Variants in ATAD1 observed in about 807,000 individuals in gnomAD.
ATAD1 encodes the protein ATPase family AAA domain containing 1.
ATAD1 carries 18 observed loss-of-function variants against 42.7 expected under a neutral mutation model. The observed-to-expected ratio is 0.42, with a 90% confidence interval of 0.29 to 0.63. ATAD1 has a LOEUF of 0.63. Among genes scored for constraint, ATAD1 ranks in the 20% least tolerant of loss-of-function variants. The probability of loss-of-function intolerance (pLI) is 0.19; values close to 1 mark genes in which losing one functional copy is unlikely to be tolerated. For missense variants in ATAD1, 294 were observed against 440.4 expected (o/e 0.67, Z 2.98); for synonymous variants, 132 against 143.1 (o/e 0.92, Z 0.55).
rs901028901 is a variant in ATAD1 at position 87,770,560 on chromosome 10, G to A, written c.780+392C>T. ...CCAATACTCAATCAAATAAATCCCT[G>A]TTGTTGTTCATGGCAGGCCTTCTGA... On this transcript the variant is annotated intron_variant, in intron 7 of 9. Transcript: ENST00000680024. Among the ~76,000 whole-genome samples, 4 of 152,152 alleles carry A rather than the reference G, an allele frequency of 2.6e-5. No homozygotes were observed. In the South Asian group the frequency reaches 6.2e-4, roughly 24 times the overall value.
intron 4 of ATAD1, among the ~76,000 whole-genome samples, chr10:87,785,729 TA>T (rs140795862): frequency 1.8e-3 from 266 of 145,224 alleles, no homozygotes; most frequent in African/African-American, 5.0e-3. Flanking sequence ...TATCTCAATT[TA>T]AAAAAAAAAA....
chr10:87,818,167 C>T lies in ATAD1; in HGVS notation c.-14G>A. ...GGCCCCACGGGAACCAGCTACTCAC[C>T]CAGGGGCAGAAACAGCAAGAGCAAG... On this transcript the variant is annotated splice_region_variant and 5_prime_UTR_variant, in exon 1 of 10. Transcript: ENST00000680024. 1.0e-6 allele frequency: 1 copy of T among 985,668 alleles called. No homozygotes were observed. The allele number at this position is 985,668 out of a possible 1,614,324, so 61.1% of individuals were successfully genotyped here. A position where few individuals can be genotyped will look rare whatever the true frequency, so the allele number is the denominator to read the frequency against.
chr10:87,773,659 G>T (rs1320869204), intron 6 of ATAD1, among the ~76,000 whole-genome samples: 1 of 152,138 alleles, frequency 6.6e-6, no homozygotes, highest in African/African-American at 2.4e-5. Flanking sequence ...AGTGCAATAA[G>T]GAATTTTGGT....
At chr10:87,786,950 G>A (rs1399010637) in intron 4 of ATAD1, among the ~76,000 whole-genome samples, 17 of 150,688 alleles carry the variant, frequency 1.1e-4, no homozygotes, top group South Asian at 4.2e-4. Flanking sequence ...GCGAGACTCC[G>A]TCTCAAAAAA....
At chr10:87,779,604 T>TA (rs1454099332) in intron 5 of ATAD1, among the ~76,000 whole-genome samples, 1 of 151,950 alleles carries the variant, frequency 6.6e-6, no homozygotes, top group African/African-American at 2.4e-5. Context: ...TATGTATCAA[T>TA]AAAAAATTAA....
upstream of ATAD1, chr10:87,819,050 T>C (rs1857563908): frequency 6.6e-6 from 1 of 151,892 alleles, no homozygotes; most frequent in African/African-American, 2.4e-5. Flanking sequence ...GGTGAGACTA[T>C]GATGTAATGA....
intron 8 of ATAD1, chr10:87,759,665 A>C: frequency 9.9e-6 from 4 of 405,794 alleles, no homozygotes; most frequent in South Asian, 7.2e-5. Flanking sequence ...GATTCCAGTC[A>C]CTGGGGGAGC....
intron 1 of ATAD1, among the ~76,000 whole-genome samples, chr10:87,825,642 A>G (rs1432161291): frequency 1.3e-5 from 2 of 151,510 alleles, no homozygotes; most frequent in East Asian, 3.9e-4. Flanking sequence ...CCTCAGGGAC[A>G]ACCACAGCGT....
chr10:87,789,593 A>G (rs1357922705), intron 4 of ATAD1, among the ~76,000 whole-genome samples: 1 of 152,084 alleles, frequency 6.6e-6, no homozygotes, highest in African/African-American at 2.4e-5. Context: ...GTGGTGGCAC[A>G]TGCCTGTGGT....
At chr10:87,781,309 C>T (rs761155632) in intron 5 of ATAD1, among the ~76,000 whole-genome samples, 11 of 151,928 alleles carry the variant, frequency 7.2e-5, no homozygotes, top group Non-Finnish European at 1.6e-4. Context: ...TAACAAGCTA[C>T]AGTAAAAAAA....
upstream of ATAD1, among the ~76,000 whole-genome samples, chr10:87,822,597 G>T (rs1245256627): frequency 6.6e-6 from 1 of 152,156 alleles, no homozygotes; most frequent in Non-Finnish European, 1.5e-5. Context: ...TTGAACTCAT[G>T]GAGATAGAGG....
chr10:87,807,117 T>C (rs1370074171), intron 2 of ATAD1, among the ~76,000 whole-genome samples: 1 of 152,218 alleles, frequency 6.6e-6, no homozygotes, highest in African/African-American at 2.4e-5. Context: ...TTTGTTTTTC[T>C]CTTGTTTATC....
Position 87,773,442 on chromosome 10 carries a change from T to C in ATAD1, c.691-2401A>G, listed in dbSNP as rs144265987. Among the ~76,000 whole-genome samples, 99 of 152,262 alleles carry C rather than the reference T, an allele frequency of 6.5e-4. No individual in the cohort carries two copies. In the East Asian group the frequency reaches 0.016, roughly 25 times the overall value. On this transcript the variant is annotated intron_variant, in intron 6 of 9. Transcript: ENST00000680024. ...GGGTACTGGGCTCTCTTCATAATCA[T>C]AGAAAAGACAATTCTAGAGAAGAGC... is the stretch of plus-strand genomic sequence containing the variant.
At chr10:87,798,621 A>C (rs2131978622) in intron 2 of ATAD1, among the ~76,000 whole-genome samples, 1 of 80,038 alleles carries the variant, frequency 1.2e-5, no homozygotes, top group South Asian at 3.4e-4. Context: ...TAAAAGCTAT[A>C]GGGGGTGTGT....
intron 5 of ATAD1, among the ~76,000 whole-genome samples, chr10:87,778,178 T>TAAAAAAA (rs377243162): frequency 3.9e-4 from 35 of 88,724 alleles, no homozygotes; most frequent in African/African-American, 5.0e-4. Flanking sequence ...TAGAATAAAT[T>TAAAAAAA]AAAAAAAAAA....
At chr10:87,798,108 C>T (rs1856486222) in intron 2 of ATAD1, among the ~76,000 whole-genome samples, 1 of 152,122 alleles carries the variant, frequency 6.6e-6, no homozygotes, top group South Asian at 2.1e-4. Context: ...AAGTCCTGAT[C>T]ATCCCATGTT....
chr10:87,778,691 T>C (rs964889991), intron 5 of ATAD1, among the ~76,000 whole-genome samples: 1 of 152,182 alleles, frequency 6.6e-6, no homozygotes, highest in African/African-American at 2.4e-5. Context: ...TTGGAGTACT[T>C]TGTATCTTGG....
rs1008013433 is a variant in ATAD1, at chr10:87,753,867, C to T, written c.*820G>A. The T allele has an allele frequency of 6.6e-6, 1 of 152,146 alleles. No individual in the cohort carries two copies. The highest frequency in any genetic ancestry group is 2.4e-5 in the African/African-American group (1 of 41,290). 9.4% of individuals were successfully genotyped at this position (152,146 alleles called of 1,614,324 possible). On this transcript the variant is annotated 3_prime_UTR_variant, in exon 10 of 10. Transcript: ENST00000680024. ...TAAAGGGTACTGAGGTTTTTCAAACCCATTCTTTTGAAAGGCCTTTTAATC... is the reference window on the plus strand; with the variant it reads ...TAAAGGGTACTGAGGTTTTTCAAACTCATTCTTTTGAAAGGCCTTTTAATC...
At chr10:87,800,148 T>C (rs150995160) in intron 2 of ATAD1, among the ~76,000 whole-genome samples, 1,606 of 151,974 alleles carry the variant, frequency 0.011, 13 homozygotes, top group Non-Finnish European at 0.018. Context: ...ATGGTCTTTC[T>C]AGAGATGATT....
Sources: allele counts gnomAD v4.1 joint callset (sites outside exome capture counted in the v4.1 genomes callset), GRCh38; gene constraint gnomAD v4.1.1; transcripts MANE v1.5; gene names NCBI Gene and HGNC (gene_info 2026-07-23, HGNC 2026-07-21).